Variants in WLS observed in about 807,000 individuals in gnomAD.
The protein encoded by WLS is Wnt ligand secretion mediator.
WLS carries 23 observed loss-of-function variants against 62.8 expected under a neutral mutation model. That is an observed-to-expected ratio of 0.37 (90% confidence interval 0.26 to 0.52). The LOEUF is 0.52. WLS is among the 20% of genes least tolerant of loss of function. The probability of loss-of-function intolerance (pLI) is 0.92; values close to 1 mark genes in which losing one functional copy is unlikely to be tolerated. For missense variants in WLS, 615 were observed against 697.3 expected (o/e 0.88, Z 1.33); for synonymous variants, 246 against 244.1 (o/e 1.01, Z -0.07).
At chr1:68,110,657 GTC>G (rs55965951) in intron 11 of WLS, among the ~76,000 whole-genome samples, 7,424 of 113,958 alleles carry the variant, frequency 0.065, 202 homozygotes, top group Middle Eastern at 0.17. Context: ...AAAAATCTCT[GTC>G]TCTCTCTCTC....
chr1:68,185,896 T>C (rs12041612), intron 2 of WLS, among the ~76,000 whole-genome samples: 7,780 of 152,198 alleles, frequency 0.051, 244 homozygotes, highest in Middle Eastern at 0.12. Context: ...CATAAGCGAG[T>C]GACTCAATCT....
intron 1 of WLS, among the ~76,000 whole-genome samples, chr1:68,196,673 C>T (rs1040871230): frequency 1.3e-5 from 2 of 151,998 alleles, no homozygotes; most frequent in African/African-American, 4.8e-5. Context: ...TTAATACTTA[C>T]CAGAAAACTC....
intron 11 of WLS, among the ~76,000 whole-genome samples, chr1:68,113,115 ATCTG>A (rs1313725016): frequency 6.6e-6 from 1 of 152,164 alleles, no homozygotes; most frequent in Admixed American, 6.5e-5. Context: ...TTCTCTCTCC[ATCTG>A]TCACTCTGAG....
At chr1:68,186,760 T>A in intron 2 of WLS, 1 of 441,732 alleles carries the variant, frequency 2.3e-6, no homozygotes, top group South Asian at 1.6e-5. Flanking sequence ...CCTGTTATAC[T>A]AAAACATGTG....
At chr1:68,214,474 C>T (rs1005175512) in intron 1 of WLS, among the ~76,000 whole-genome samples, 1 of 151,976 alleles carries the variant, frequency 6.6e-6, no homozygotes, top group Non-Finnish European at 1.5e-5. Flanking sequence ...AAGTGATTCT[C>T]CTGCCTCAGC....
chr1:68,176,061 G>T (rs991681316), intron 2 of WLS, among the ~76,000 whole-genome samples: 5 of 152,136 alleles, frequency 3.3e-5, no homozygotes, highest in Admixed American at 1.3e-4. Flanking sequence ...GAATGAGGAG[G>T]GGATACAAAT....
At chr1:68,188,691 G>C (rs1279970028) in intron 2 of WLS, among the ~76,000 whole-genome samples, 1 of 152,192 alleles carries the variant, frequency 6.6e-6, no homozygotes, top group Non-Finnish European at 1.5e-5. Flanking sequence ...TGTGAGAAGA[G>C]GAATCACAAG....
At chr1:68,165,445 T>G (rs936735203) in intron 2 of WLS, among the ~76,000 whole-genome samples, 3 of 152,154 alleles carry the variant, frequency 2.0e-5, no homozygotes, top group African/African-American at 7.2e-5. Context: ...TCCAGAACAT[T>G]CTGCCTAGAC....
At chr1:68,148,222 A>G (rs775339419) in intron 7 of WLS, 23 bp from the exon 8 acceptor site, 55 of 1,612,390 alleles carry the variant, frequency 3.4e-5, no homozygotes, top group Non-Finnish European at 8.5e-7. Flanking sequence ...TGAGATGGAA[A>G]GGCAAGACAC....
intron 11 of WLS, among the ~76,000 whole-genome samples, chr1:68,113,184 A>G (rs1292684300): frequency 2.6e-5 from 4 of 152,194 alleles, no homozygotes; most frequent in Admixed American, 2.0e-4. Flanking sequence ...CCAACCTCGC[A>G]TGTCCGTAAA....
chr1:68,110,670 T>TCTCTCTCTCTCTCTCTCTCTCC (rs1646215067), intron 11 of WLS, among the ~76,000 whole-genome samples: 1 of 148,112 alleles, frequency 6.8e-6, no homozygotes, highest in East Asian at 2.0e-4. Context: ...TCTCTCTCTC[T>TCTCTCTCTCTCTCTCTCTCTCC]CTCTCTCTCT....
intron 11 of WLS, among the ~76,000 whole-genome samples, chr1:68,114,026 C>T (rs1380441184): frequency 6.6e-6 from 1 of 152,208 alleles, no homozygotes; most frequent in Admixed American, 6.5e-5. Flanking sequence ...CTCAACAGAA[C>T]CAGCATCCTG....
chr1:68,152,576 G>A (rs1023228054), intron 5 of WLS, among the ~76,000 whole-genome samples: 3 of 152,204 alleles, frequency 2.0e-5, no homozygotes, highest in African/African-American at 7.2e-5. Context: ...TTTGGATTTG[G>A]ACTATGAAGG....
At chr1:68,187,206 A>AAAAAAAAAAAAAAAAAAAAAAAAAAAAG (rs1223492412) in intron 2 of WLS, among the ~76,000 whole-genome samples, 1 of 150,792 alleles carries the variant, frequency 6.6e-6, no homozygotes, top group Non-Finnish European at 1.5e-5. Flanking sequence ...AAAAAAAAAA[A>AAAAAAAAAAAAAAAAAAAAAAAAAAAAG]AAAAATTAGC....
intron 2 of WLS, among the ~76,000 whole-genome samples, chr1:68,185,080 A>C (rs887720246): frequency 6.6e-6 from 1 of 152,192 alleles, no homozygotes; most frequent in Non-Finnish European, 1.5e-5. Flanking sequence ...GCAAGCAATC[A>C]ATCACTTCCA....
At chr1:68,166,342 A>G (rs918577398) in intron 2 of WLS, among the ~76,000 whole-genome samples, 17 of 152,246 alleles carry the variant, frequency 1.1e-4, no homozygotes, top group African/African-American at 3.4e-4. Flanking sequence ...GTCACACAAT[A>G]TGAATATGCT....
intron 9 of WLS, among the ~76,000 whole-genome samples, chr1:68,144,920 G>T (rs574240498): frequency 3.9e-5 from 6 of 152,294 alleles, no homozygotes; most frequent in African/African-American, 1.4e-4. Flanking sequence ...TCGTGAGGCT[G>T]CTAATTTCCC....
chr1:68,196,222 C>G lies in WLS; in HGVS notation c.107-1995G>C, dbSNP rs114993970. On this transcript the variant is annotated intron_variant, in intron 1 of 11. Coordinates refer to ENST00000262348, the MANE Select transcript of WLS (RefSeq NM_024911.7). ...ATCCTTCCCCAGCGTTTAGTTTTCC[C>G]ATCCAAGAACAGTACTTGTTTCTCC... Among the ~76,000 whole-genome samples, 1,028 of 151,786 alleles carry G rather than the reference C, an allele frequency of 6.8e-3. 10 individuals are homozygous for G. Among genetic ancestry groups the G allele is most frequent in the Non-Finnish European group, 0.01 (689 of 67,840 alleles).
chr1:68,154,885 C>CATTACAT (rs1229819436), intron 4 of WLS, among the ~76,000 whole-genome samples: 9 of 152,182 alleles, frequency 5.9e-5, no homozygotes, highest in African/African-American at 2.2e-4. Context: ...CTTAAGTGAT[C>CATTACAT]TTAAGCCCAT....
Sources: allele counts gnomAD v4.1 joint callset (sites outside exome capture counted in the v4.1 genomes callset), GRCh38; gene constraint gnomAD v4.1.1; transcripts MANE v1.5; gene names NCBI Gene and HGNC (gene_info 2026-07-23, HGNC 2026-07-21).